The following DNAL1 variants were observed in gnomAD, a reference collection of about 807,000 sequenced individuals.
DNAL1 encodes the protein dynein axonemal light chain 1, also known as chromosome 14 open reading frame 168.
DNAL1 carries 17 observed loss-of-function variants against 29.4 expected under a neutral mutation model. That is an observed-to-expected ratio of 0.58 (90% confidence interval 0.40 to 0.87). The LOEUF is 0.87. Among genes scored for constraint, DNAL1 ranks in the 40% least tolerant of loss-of-function variants. The pLI is 0.00. For missense variants in DNAL1, 188 were observed against 214.1 expected, an observed-to-expected ratio of 0.88 and a Z score of 0.76; for synonymous variants, 78 against 76.3, an observed-to-expected ratio of 1.02 and a Z score of -0.12.
At chr14:73,649,269 C>G (rs903238038) in intron 1 of DNAL1, among the ~76,000 whole-genome samples, 1 of 150,632 alleles carries the variant, frequency 6.6e-6, no homozygotes, top group Non-Finnish European at 1.5e-5. Context: ...CCACAGTGCC[C>G]GGCTGATGTG....
At chr14:73,666,289 C>T (rs775878423) in intron 4 of DNAL1, among the ~76,000 whole-genome samples, 1 of 151,980 alleles carries the variant, frequency 6.6e-6, no homozygotes, top group Non-Finnish European at 1.5e-5. Context: ...ATTTATTGTA[C>T]CAGAATTGTG....
chr14:73,661,789 T>C (rs1434989695), intron 3 of DNAL1, among the ~76,000 whole-genome samples, 198 bp from the exon 4 acceptor site: 5 of 152,028 alleles, frequency 3.3e-5, no homozygotes, highest in Non-Finnish European at 7.4e-5. Flanking sequence ...CTCAAGAAGA[T>C]TTTTTCAAAT....
At chr14:73,689,706 G>A (rs1892118960) in intron 7 of DNAL1, among the ~76,000 whole-genome samples, 191 bp downstream of exon 7, 1 of 152,098 alleles carries the variant, frequency 6.6e-6, no homozygotes, top group African/African-American at 2.4e-5. Context: ...TATTTAGACT[G>A]GTACAAGATT....
chr14:73,663,208 T>TC (rs1853095433), intron 4 of DNAL1, among the ~76,000 whole-genome samples: 1 of 148,748 alleles, frequency 6.7e-6, no homozygotes, highest in East Asian at 1.9e-4. Flanking sequence ...AGTAATTTTT[T>TC]TTTTTTTTTT....
intron 7 of DNAL1, 98 bp downstream of exon 7, chr14:73,689,613 C>A: frequency 6.7e-7 from 1 of 1,502,408 alleles, no homozygotes; most frequent in Non-Finnish European, 9.1e-7. Flanking sequence ...AGAAAAAATA[C>A]CTCTGATCTT....
At chr14:73,686,494 A>G (rs944302377) in intron 5 of DNAL1, among the ~76,000 whole-genome samples, 1 of 152,156 alleles carries the variant, frequency 6.6e-6, no homozygotes, top group African/African-American at 2.4e-5. Flanking sequence ...CCTTGAGTCC[A>G]GGAGTTCAAG....
rs145854391 is a variant in DNAL1 at position 73,647,147 on chromosome 14, A to C, written c.3+2105A>C. 8.3e-3 allele frequency among the ~76,000 whole-genome samples: 1,263 copies of C among 152,150 alleles called. 25 individuals carry two copies. Among genetic ancestry groups the C allele is most frequent in the African/African-American group, 0.029 (1,195 of 41,520 alleles). ...GCCGAGGTGGGCGGATCACGAGGTC[A>C]GAAGATCGAGACCATCCTGGCTATC... On this transcript the variant is annotated intron_variant, in intron 1 of 7. Transcript: ENST00000553645.
rs534964080 is a variant in DNAL1 at position 73,677,125 on chromosome 14, C to G, written c.264+5528C>G. On this transcript the variant is annotated intron_variant, in intron 5 of 7. Coordinates refer to ENST00000553645, the MANE Select transcript of DNAL1 (RefSeq NM_031427.4). Reference sequence around the variant, plus strand: ...AGCTGGGACTACAGGCGCCCGCCCCCACACCTGGCTAATTTTTTGTATTTT... The same window carrying G: ...AGCTGGGACTACAGGCGCCCGCCCCGACACCTGGCTAATTTTTTGTATTTT... 3.9e-5 allele frequency among the ~76,000 whole-genome samples: 6 copies of G among 152,028 alleles called. No individual in the cohort carries two copies. The South Asian group carries it at 1.0e-3, about 26-fold the overall frequency.
chr14:73,667,938 T>C (rs1891527709), intron 4 of DNAL1, among the ~76,000 whole-genome samples: 1 of 152,120 alleles, frequency 6.6e-6, no homozygotes, highest in South Asian at 2.1e-4. Flanking sequence ...ATTATACGTA[T>C]GGACTTACTT....
At chr14:73,658,660 TA>T (rs1487542296) in intron 2 of DNAL1, among the ~76,000 whole-genome samples, 186 bp from the exon 3 acceptor site, 1 of 152,200 alleles carries the variant, frequency 6.6e-6, no homozygotes, top group Admixed American at 6.6e-5. Context: ...CAGCCACATA[TA>T]AATCTGATTA....
At chr14:73,687,724 T>G (rs1163447090) in intron 6 of DNAL1, among the ~76,000 whole-genome samples, 1 of 152,002 alleles carries the variant, frequency 6.6e-6, no homozygotes, top group Non-Finnish European at 1.5e-5. Context: ...TACAAAAAAA[T>G]TAGCCGGGCG....
At chr14:73,694,650 T>C (rs1403907370) in intron 7 of DNAL1, among the ~76,000 whole-genome samples, 1 of 152,094 alleles carries the variant, frequency 6.6e-6, no homozygotes, top group East Asian at 1.9e-4. Context: ...CACATTTTAT[T>C]GTGGGAAATG....
intron 3 of DNAL1, 29 bp downstream of exon 3, chr14:73,658,985 T>C: frequency 7.4e-7 from 1 of 1,354,498 alleles, no homozygotes; most frequent in East Asian, 2.6e-5. Context: ...CTTCCAGTAT[T>C]GCTGTTAGGT....
chr14:73,648,403 C>CATATATATATATATATATAT (rs149075024), intron 1 of DNAL1, among the ~76,000 whole-genome samples: 1,164 of 86,696 alleles, frequency 0.013, 171 homozygotes, highest in African/African-American at 0.063. Flanking sequence ...CACCTCATTT[C>CATATATATATATATATATAT]ATATATATAT....
rs1463478661 is a variant in DNAL1 at position 73,699,934 on chromosome 14, G to A, written c.*3992G>A. 6.6e-6 allele frequency: 1 copy of A among 152,208 alleles called. No individual in the cohort carries two copies. The highest frequency in any genetic ancestry group is 1.5e-5 in the Non-Finnish European group (1 of 68,034). 9.4% of individuals were successfully genotyped at this position (152,208 alleles called of 1,614,324 possible). On this transcript the variant is annotated 3_prime_UTR_variant, in exon 8 of 8. Transcript: ENST00000553645. ...CTGTGTAAAATTTGATAATCTTGTA[G>A]GAAAGTTAGCTGATGTAGACATCAA...
Position 73,687,324 on chromosome 14 carries a change from G to T in DNAL1, c.330G>T (p.Gly110=). The T allele has an allele frequency of 1.2e-6, 2 of 1,612,716 alleles. No homozygotes were observed. ...ACAATTTTATTGAGAAGTTGAAAGG[G>T]ATCCACATAATGAAGAAATTGAAGA... is the stretch of plus-strand genomic sequence containing the variant. ...ISYNFIEKLK[G]IHIMKKLKIL... Residue 110 remains glycine (G), a synonymous_variant, in exon 6 of 8, where the codon GGG becomes GGT. Transcript: ENST00000553645.
rs200947750 is a variant in DNAL1, at chr14:73,697,899, C to A, written c.*1957C>A. On this transcript the variant is annotated 3_prime_UTR_variant, in exon 8 of 8. Transcript: ENST00000553645. ...GGACATTTCTTTTATGAACCATAGGCAATGAGCCTTCATTCTCCTTGGTGA... is the reference window on the plus strand; with the variant it reads ...GGACATTTCTTTTATGAACCATAGGAAATGAGCCTTCATTCTCCTTGGTGA... The A allele has an allele frequency of 2.0e-4, 31 of 152,184 alleles. No homozygotes were observed. Among genetic ancestry groups the A allele is most frequent in the African/African-American group, 7.2e-4 (30 of 41,522 alleles). The allele number at this position is 152,184 out of a possible 1,614,324, so 9.4% of individuals were successfully genotyped here.
At chr14:73,683,163 A>T (rs1891932634) in intron 5 of DNAL1, among the ~76,000 whole-genome samples, 1 of 152,156 alleles carries the variant, frequency 6.6e-6, no homozygotes, top group East Asian at 1.9e-4. Context: ...GGCGTGAGCC[A>T]CCGCGCCCAG....
chr14:73,645,179 A>AG, intron 1 of DNAL1, 137 bp downstream of exon 1: 1 of 1,482,528 alleles, frequency 6.7e-7, no homozygotes, highest in East Asian at 2.5e-5. Flanking sequence ...CTGTGGAGTC[A>AG]GGGGCCCGAG....
Sources: gnomAD v4.1 joint callset for allele counts (sites outside exome capture counted in the v4.1 genomes callset) on GRCh38, gnomAD v4.1.1 for gene constraint, MANE v1.5 for transcripts, NCBI Gene and HGNC (gene_info 2026-07-23, HGNC 2026-07-21) for gene names.